The following SGCD variants were observed in gnomAD, a reference collection of about 807,000 sequenced individuals.
SGCD encodes the protein sarcoglycan delta.
SGCD carries 18 observed loss-of-function variants against 36.6 expected under a neutral mutation model. That is an observed-to-expected ratio of 0.49 (90% confidence interval 0.34 to 0.73). The LOEUF (loss-of-function observed/expected upper bound fraction) is 0.73, where lower values mean the gene tolerates loss of function less well. Among genes scored for constraint, SGCD ranks in the 30% least tolerant of loss-of-function variants. The pLI, the probability that SGCD is intolerant of heterozygous loss-of-function variation, is 0.01. For missense variants in SGCD, 387 were observed against 346.7 expected, an observed-to-expected ratio of 1.12 and a Z score of -0.92; for synonymous variants, 133 against 130.6, an observed-to-expected ratio of 1.02 and a Z score of -0.12.
At chr5:156,472,086 A>G (rs888177275) in intron 3 of SGCD, among the ~76,000 whole-genome samples, 8 of 152,202 alleles carry the variant, frequency 5.3e-5, no homozygotes, top group Non-Finnish European at 8.8e-5. Context: ...TAGAACAGCT[A>G]AAATGGAAAG....
intron 4 of SGCD, among the ~76,000 whole-genome samples, chr5:156,530,143 A>G (rs1350566461): frequency 6.6e-6 from 1 of 152,248 alleles, no homozygotes; most frequent in Non-Finnish European, 1.5e-5. Flanking sequence ...TCCATTTTGC[A>G]ACATCAGAGT....
At chr5:156,553,111 G>A (rs1758862889) in intron 4 of SGCD, among the ~76,000 whole-genome samples, 1 of 152,182 alleles carries the variant, frequency 6.6e-6, no homozygotes, top group Non-Finnish European at 1.5e-5. Context: ...GAGAGGTGGA[G>A]AGATTCCAGG....
At chr5:156,009,309 C>A (rs373990696) in intron 1 of SGCD, among the ~76,000 whole-genome samples, 1 of 152,128 alleles carries the variant, frequency 6.6e-6, no homozygotes, top group Non-Finnish European at 1.5e-5. Context: ...CTTACTTGCC[C>A]GTGTCCCCGC....
intron 1 of SGCD, among the ~76,000 whole-genome samples, chr5:156,023,547 A>G (rs961707022): frequency 3.3e-5 from 5 of 152,184 alleles, no homozygotes; most frequent in Non-Finnish European, 5.9e-5. Flanking sequence ...ATTTAGCACT[A>G]TGGGTGGCTT....
chr5:156,367,827 C>A (rs935301817), intron 3 of SGCD, among the ~76,000 whole-genome samples: 1 of 152,130 alleles, frequency 6.6e-6, no homozygotes, highest in South Asian at 2.1e-4. Flanking sequence ...TTGGAGGTGC[C>A]GCACAAGCTT....
At chr5:155,972,369 A>G (rs957364943) in intron 1 of SGCD, among the ~76,000 whole-genome samples, 1 of 152,126 alleles carries the variant, frequency 6.6e-6, no homozygotes, top group African/African-American at 2.4e-5. Context: ...TGGATATGAT[A>G]GTGTTTTGTG....
the SGCD span, among the ~76,000 whole-genome samples, chr5:155,800,454 T>C: frequency 3.3e-5 from 5 of 152,222 alleles, no homozygotes; most frequent in Non-Finnish European, 7.3e-5. Context: ...TAGAAGGTTT[T>C]TGAGCTACTG....
intron 1 of SGCD, among the ~76,000 whole-genome samples, chr5:155,982,835 G>T (rs1318628243): frequency 1.3e-5 from 2 of 152,114 alleles, no homozygotes; most frequent in South Asian, 2.1e-4. Flanking sequence ...TATTTCAAAT[G>T]CCAGCATTTG....
At chr5:155,849,434 A>G in the SGCD span, among the ~76,000 whole-genome samples, 1 of 148,184 alleles carries the variant, frequency 6.7e-6, no homozygotes. Flanking sequence ...ACACACACAC[A>G]CATGTGCGCG....
At chr5:155,764,355 C>T in the SGCD span, among the ~76,000 whole-genome samples, 3 of 152,162 alleles carry the variant, frequency 2.0e-5, no homozygotes, top group Admixed American at 6.5e-5. Context: ...TTTTGACAAG[C>T]ATTTATTATC....
intron 3 of SGCD, among the ~76,000 whole-genome samples, chr5:156,274,351 C>T (rs1354642785): frequency 1.3e-5 from 2 of 151,960 alleles, no homozygotes; most frequent in Non-Finnish European, 2.9e-5. Flanking sequence ...ATAATTAGTC[C>T]CTATTTCTCA....
chr5:156,041,485 G>T (rs1759632821), intron 1 of SGCD, among the ~76,000 whole-genome samples: 1 of 152,178 alleles, frequency 6.6e-6, no homozygotes, highest in South Asian at 2.1e-4. Context: ...GGAGAGGAGG[G>T]CCTGAAGGAA....
chr5:155,812,995 C>T, the SGCD span, among the ~76,000 whole-genome samples: 2 of 151,422 alleles, frequency 1.3e-5, no homozygotes, highest in Admixed American at 6.6e-5. Context: ...TGTCTTTGGG[C>T]ATCTTATTTT....
At position 156,044,293 on chromosome 5, in the gene SGCD, C is replaced by A. The variant is rs538335514; in HGVS notation, c.-281-73585C>A. ...CAAAGGCTGTTGAATGGAGTAAAATCAAAAAGTTGTATTTCTGTTTTGGCC... is the reference window on the plus strand; with the variant it reads ...CAAAGGCTGTTGAATGGAGTAAAATAAAAAAGTTGTATTTCTGTTTTGGCC... On this transcript the variant is annotated intron_variant, in intron 1 of 9. Transcript: ENST00000517913. Among the ~76,000 whole-genome samples the A allele has an allele frequency of 2.0e-5, 3 of 152,184 alleles. No homozygotes were observed. The South Asian group carries it at 6.2e-4, about 32-fold the overall frequency.
At chr5:156,717,000 G>A (rs1755253693) in intron 7 of SGCD, among the ~76,000 whole-genome samples, 1 of 152,160 alleles carries the variant, frequency 6.6e-6, no homozygotes, top group Admixed American at 6.5e-5. Flanking sequence ...TGTATTTGTG[G>A]TTTGGCTAAT....
At chr5:155,936,043 G>A (rs1044559188) in intron 1 of SGCD, among the ~76,000 whole-genome samples, 5 of 152,144 alleles carry the variant, frequency 3.3e-5, no homozygotes, top group African/African-American at 1.2e-4. Context: ...GAATGCTGTG[G>A]CGCCTGGAAG....
At chr5:156,105,209 A>G (rs1725180399) in intron 1 of SGCD, among the ~76,000 whole-genome samples, 1 of 152,218 alleles carries the variant, frequency 6.6e-6, no homozygotes. Flanking sequence ...TGTGTTTTAA[A>G]CAAAGAAGGA....
At chr5:156,732,022 C>T (rs1193801375) in intron 7 of SGCD, among the ~76,000 whole-genome samples, 5 of 151,896 alleles carry the variant, frequency 3.3e-5, no homozygotes, top group African/African-American at 1.2e-4. Context: ...GAAGTTGCTT[C>T]TCAGCTTAAG....
rs759198194 is a variant in SGCD, at chr5:156,508,645, A to G, written c.237A>G (p.Leu79=). The G allele has an allele frequency of 1.4e-5, 23 of 1,612,324 alleles. No homozygotes were observed. The highest frequency in any genetic ancestry group is 2.0e-5 in the Non-Finnish European group (23 of 1,178,602). Residue 79 remains leucine, a synonymous_variant, in exon 4 of 9, where the codon CTA becomes CTG. Coordinates refer to ENST00000337851, the MANE Select transcript of SGCD (RefSeq NM_000337.6). Reference sequence around the variant, plus strand: ...GGATCACAGAAAAAGGTCTAAAGCTAGAAGGAGACTCTGAATTCTTACAAC... The same window carrying G: ...GGATCACAGAAAAAGGTCTAAAGCTGGAAGGAGACTCTGAATTCTTACAAC... ...NLRITEKGLK[L]EGDSEFLQPL... is the part of the protein sequence containing the mutation.
Sources: allele counts gnomAD v4.1 joint callset (sites outside exome capture counted in the v4.1 genomes callset), GRCh38; gene constraint gnomAD v4.1.1; transcripts MANE v1.5; gene names NCBI Gene and HGNC (gene_info 2026-07-23, HGNC 2026-07-21).